The following COL6A5 variants were observed in gnomAD, a reference collection of about 807,000 sequenced individuals.
COL6A5 encodes collagen alpha-5(VI) chain.
Under a neutral mutation model 65.6 loss-of-function variants are expected in COL6A5, and 48 were observed. That is an observed-to-expected ratio of 0.73 (90% CI 0.58 to 0.93). The LOEUF is 0.93. Among genes scored for constraint, COL6A5 ranks in the 40% least tolerant of loss-of-function variants. COL6A5 has a pLI of 0.00. For synonymous variants in COL6A5, 291 were observed against 322.8 expected (o/e 0.90, Z 1.05); for missense variants, 914 against 928.3 (o/e 0.98, Z 0.20).
At chr3:130,396,150 G>A (rs1936593449) in intron 8 of COL6A5, among the ~76,000 whole-genome samples, 2 of 152,196 alleles carry the variant, frequency 1.3e-5, no homozygotes, top group African/African-American at 4.8e-5. Context: ...AGTGGCCACA[G>A]GGGACTCAGC....
exon 8 of COL6A5, chr3:130,484,078 C>T: frequency 6.2e-7 from 1 of 1,601,794 alleles, no homozygotes; most frequent in Non-Finnish European, 8.5e-7. Context: ...GAAGATAGCT[C>T]CACTGACATG....
chr3:130,468,699 TG>T, intron 5 of COL6A5, 95 bp from the exon 38 acceptor site: 1 of 789,236 alleles, frequency 1.3e-6, no homozygotes, highest in Non-Finnish European at 2.0e-6. Context: ...AAATGCAGCA[TG>T]GTAATAACCT....
chr3:130,426,642 A>G (rs142458026), upstream of COL6A5, among the ~76,000 whole-genome samples: 23 of 152,312 alleles, frequency 1.5e-4, no homozygotes, highest in African/African-American at 5.3e-4. Context: ...AAACATGCAT[A>G]TAGGAAAATT....
At chr3:130,375,774 A>G (rs778768741) in intron 2 of COL6A5, among the ~76,000 whole-genome samples, 13 of 152,110 alleles carry the variant, frequency 8.5e-5, no homozygotes, top group Admixed American at 5.2e-4. Context: ...AGTGCCAAGC[A>G]AAAGGGGAAA....
Position 130,476,951 on chromosome 3 carries a change from T to A in COL6A5, c.2328+5984T>A. On this transcript the variant is annotated intron_variant, in intron 7 of 7. Transcript: ENST00000512836. ...GCTCCCTGAAGCCAATCTGAGTCTC[T>A]TCAGAAAATATCAGCTTGTCTTTTT... 10 of 774,378 alleles carry A rather than the reference T, an allele frequency of 1.3e-5. No individual in the cohort carries two copies. The Admixed American group carries it at 1.6e-4, about 12-fold the overall frequency. 48.0% of individuals were successfully genotyped at this position (774,378 alleles called of 1,614,324 possible). A position where few individuals can be genotyped will look rare whatever the true frequency, so the allele number is the denominator to read the frequency against.
At chr3:130,393,177 C>T (rs1006591177) in intron 7 of COL6A5, among the ~76,000 whole-genome samples, 3 of 151,778 alleles carry the variant, frequency 2.0e-5, no homozygotes, top group East Asian at 3.9e-4. Context: ...CTGCCCACCT[C>T]GCCAACCTCA....
chr3:130,351,161 T>A (rs1447316570), intron 1 of COL6A5, among the ~76,000 whole-genome samples: 1 of 152,190 alleles, frequency 6.6e-6, no homozygotes, highest in Non-Finnish European at 1.5e-5. Flanking sequence ...CAAAAATTAA[T>A]TCAAGATGGA....
intron 1 of COL6A5, among the ~76,000 whole-genome samples, chr3:130,353,562 G>A (rs758824220): frequency 6.6e-6 from 1 of 152,072 alleles, no homozygotes; most frequent in Non-Finnish European, 1.5e-5. Flanking sequence ...CTAGATATAT[G>A]TAAATCTTGT....
chr3:130,395,511 C>A, intron 8 of COL6A5, 46 bp downstream of exon 8: 3 of 1,404,042 alleles, frequency 2.1e-6, no homozygotes, highest in Non-Finnish European at 2.9e-6. Flanking sequence ...CTTCTCATTT[C>A]TCCATTTCCC....
At chr3:130,357,890 AAAATATTACT>A (rs2107617975) in intron 1 of COL6A5, among the ~76,000 whole-genome samples, 1 of 152,272 alleles carries the variant, frequency 6.6e-6, no homozygotes, top group South Asian at 2.1e-4. Flanking sequence ...GAAAACACTT[AAAATATTACT>A]ATTAACTGGC....
At chr3:130,353,188 G>C (rs1307649080) in intron 1 of COL6A5, among the ~76,000 whole-genome samples, 6 of 152,138 alleles carry the variant, frequency 3.9e-5, no homozygotes, top group Non-Finnish European at 8.8e-5. Context: ...GTTCTCAATA[G>C]CAATAAACTA....
At chr3:130,445,058 C>T (rs150899686) in intron 4 of COL6A5, among the ~76,000 whole-genome samples, 4,834 of 152,240 alleles carry the variant, frequency 0.032, 105 homozygotes, top group South Asian at 0.09. Flanking sequence ...AATTTTTGAT[C>T]GATGCCTTGT....
At chr3:130,431,806 G>T (rs374300805) in exon 1 of COL6A5, 1 of 1,551,624 alleles carries the variant, frequency 6.4e-7, no homozygotes, top group South Asian at 1.2e-5. Context: ...AGGAGCCAAC[G>T]TGAGGAGAGT....
chr3:130,387,802 TTA>T (rs970941776), intron 5 of COL6A5, among the ~76,000 whole-genome samples: 4 of 152,000 alleles, frequency 2.6e-5, no homozygotes, highest in African/African-American at 9.7e-5. Flanking sequence ...TATTTGCATA[TTA>T]TATATATACA....
At position 130,466,787 on chromosome 3, in the gene COL6A5, C is replaced by T. The variant is rs184788766; in HGVS notation, c.1545-2008C>T. 5.1e-4 allele frequency among the ~76,000 whole-genome samples: 77 copies of T among 151,958 alleles called. 1 individual carries two copies. Among genetic ancestry groups the T allele is most frequent in the African/African-American group, 1.8e-3 (74 of 41,492 alleles). ...CAGAAATGAGAGGGGAGATGTATTC[C>T]AAGGATATTAAAAGGATAACCAGGG... On this transcript the variant is annotated intron_variant, in intron 5 of 7. Coordinates refer to ENST00000512836, the Ensembl canonical transcript of COL6A5.
intron 1 of COL6A5, among the ~76,000 whole-genome samples, chr3:130,434,728 A>C (rs940329747): frequency 1.6e-4 from 25 of 152,184 alleles, no homozygotes; most frequent in Non-Finnish European, 8.8e-5. Flanking sequence ...AGCCACATAA[A>C]TGTCTTCTTT....
chr3:130,353,014 T>C (rs1347418808), intron 1 of COL6A5, among the ~76,000 whole-genome samples: 21 of 152,182 alleles, frequency 1.4e-4, no homozygotes, highest in Admixed American at 1.1e-3. Flanking sequence ...ATAAGAAACA[T>C]GTAAGTGTTT....
exon 11 of COL6A5, chr3:130,401,138 A>T (rs1559881131): frequency 6.5e-7 from 1 of 1,548,078 alleles, no homozygotes; most frequent in Non-Finnish European, 8.7e-7. Flanking sequence ...GACTATTGGA[A>T]TGAGAGAACT....
At chr3:130,394,902 A>G (rs1394195172) in exon 8 of COL6A5, 2 of 1,549,088 alleles carry the variant, frequency 1.3e-6, no homozygotes, top group Admixed American at 2.0e-5. Flanking sequence ...TGTCATCTTC[A>G]GGAAGCTGAC....
Sources: allele counts gnomAD v4.1 joint callset (sites outside exome capture counted in the v4.1 genomes callset), GRCh38; gene constraint gnomAD v4.1.1; transcripts MANE v1.5; gene names NCBI Gene and HGNC (gene_info 2026-07-23, HGNC 2026-07-21).